The following RHEBL1 variants were observed in gnomAD, a reference collection of about 807,000 sequenced individuals.
RHEBL1 encodes RHEB like 1.
Under a neutral mutation model 27.4 loss-of-function variants are expected in RHEBL1, and 22 were observed. The observed-to-expected ratio is 0.80, with a 90% CI of 0.57 to 1.15. The LOEUF is 1.15. Ranked by LOEUF, RHEBL1 falls within the 50% of genes most tolerant of loss-of-function variation. RHEBL1 has a pLI of 0.00. For synonymous variants in RHEBL1, 85 were observed against 80.8 expected (o/e 1.05, Z -0.28); for missense variants, 186 against 226.5 (o/e 0.82, Z 1.15).
At chr12:49,068,889 G>A (rs898319373) in intron 2 of RHEBL1, 146 bp downstream of exon 2, 2 of 826,678 alleles carry the variant, frequency 2.4e-6, no homozygotes, top group Admixed American at 5.2e-5. Context: ...GCCATCCATC[G>A]AACAGGATTG....
intron 7 of RHEBL1, 79 bp from the exon 8 acceptor site, chr12:49,065,271 G>T (rs778850221): frequency 2.9e-4 from 448 of 1,555,264 alleles, no homozygotes; most frequent in Non-Finnish European, 3.8e-4. Context: ...CCCCATTCCC[G>T]CAACATTCCC....
chr12:49,064,713 A>G lies in RHEBL1; in HGVS notation c.*390T>C, dbSNP rs1228125948. 1 of 205,886 alleles carries G rather than the reference A, an allele frequency of 4.9e-6. No individual in the cohort carries two copies. The highest frequency in any genetic ancestry group is 2.3e-5 in the African/African-American group (1 of 43,986). The allele number at this position is 205,886 out of a possible 1,614,324, so 12.8% of individuals were successfully genotyped here. A position where few individuals can be genotyped will look rare whatever the true frequency, so the allele number is the denominator to read the frequency against. On this transcript the variant is annotated 3_prime_UTR_variant, in exon 8 of 8. Transcript: ENST00000301068. ...GATTTCTCAATTTATTTGCATATAT[A>G]CATTGTCACCCCAGGGAGCCAGCTC...
intron 2 of RHEBL1, 64 bp from the exon 3 acceptor site, chr12:49,067,099 CTTTTTTTT>C (rs10715716): frequency 5.1e-6 from 3 of 587,476 alleles, no homozygotes; most frequent in Non-Finnish European, 5.5e-6. Context: ...TGTCCCCTGA[CTTTTTTTT>C]TTTTTTTTTT....
rs531874179 is a variant in RHEBL1, at chr12:49,069,871, G to A, written c.-86C>T. ...CAGGGTGTGAGCAGGCGCGGCAGCT[G>A]GTGCAGGAAAGTCGCTCACCCCGAA... On this transcript the variant is annotated 5_prime_UTR_variant, in exon 1 of 8. Coordinates refer to ENST00000301068, the MANE Select transcript of RHEBL1 (RefSeq NM_144593.3). 1.8e-4 allele frequency: 226 copies of A among 1,241,874 alleles called. 2 individuals carry two copies. The South Asian group carries it at 2.7e-3, about 15-fold the overall frequency. The allele number at this position is 1,241,874 out of a possible 1,614,324, so 76.9% of individuals were successfully genotyped here. A position where few individuals can be genotyped will look rare whatever the true frequency, so the allele number is the denominator to read the frequency against.
Position 49,066,643 on chromosome 12 carries a change from A to G in RHEBL1, c.251T>C (p.Val84Ala). ...FIIGVHGYVL[V>A]YSVTSLHSFQ... ...CCTATGCAGAGAGGTGACAGAATACACAAGCACATAACCATGGACCCCAAT... is the reference window on the plus strand; with the variant it reads ...CCTATGCAGAGAGGTGACAGAATACGCAAGCACATAACCATGGACCCCAAT... The change falls in exon 4 of 8, where the codon GTG becomes GCG. Residue 84 changes from valine to alanine, a missense_variant. Val to Ala is a moderately conservative substitution (Grantham distance 64). Coordinates refer to ENST00000301068, the MANE Select transcript of RHEBL1 (RefSeq NM_144593.3). 6.2e-7 allele frequency: 1 copy of G among 1,614,160 alleles called. No homozygotes were observed. Among genetic ancestry groups the G allele is most frequent in the Non-Finnish European group, 8.5e-7 (1 of 1,179,990 alleles).
chr12:49,066,948 T>C lies in RHEBL1; in HGVS notation c.192+20A>G. ...CGAGGGCTGAACTGCCACATTTGGA[T>C]ACCATACCCCAACTGGTACCTGCCC... On this transcript the variant is annotated intron_variant, in intron 3 of 7. Coordinates refer to ENST00000301068, the MANE Select transcript of RHEBL1 (RefSeq NM_144593.3). The C allele has an allele frequency of 6.2e-7, 1 of 1,602,424 alleles. No homozygotes were observed. The highest frequency in any genetic ancestry group is 8.6e-7 in the Non-Finnish European group (1 of 1,169,498).
rs1235136983 is a variant in RHEBL1, at chr12:49,067,770, A to G, written c.125-735T>C. Among the ~76,000 whole-genome samples, 3 of 152,124 alleles carry G rather than the reference A, an allele frequency of 2.0e-5. No homozygotes were observed. The East Asian group carries it at 5.8e-4, about 29-fold the overall frequency. On this transcript the variant is annotated intron_variant, in intron 2 of 7. Coordinates refer to ENST00000301068, the MANE Select transcript of RHEBL1 (RefSeq NM_144593.3). ...ACTCCAGCCTGGGTGACAGAGCGAG[A>G]CTGTCTTGAAAAGAAAAGAAAAATA...
chr12:49,068,246 C>A (rs2120764241), intron 2 of RHEBL1, among the ~76,000 whole-genome samples: 1 of 152,046 alleles, frequency 6.6e-6, no homozygotes, highest in East Asian at 1.9e-4. Flanking sequence ...TCTCCTGCCT[C>A]AGCCTCCCGA....
intron 2 of RHEBL1, 56 bp from the exon 3 acceptor site, chr12:49,067,091 T>G: frequency 7.1e-5 from 69 of 965,208 alleles, no homozygotes; most frequent in Non-Finnish European, 9.3e-5. Flanking sequence ...GCGATGTATG[T>G]CCCCTGACTT....
chr12:49,066,697 T>C lies in RHEBL1; in HGVS notation c.197A>G (p.Glu66Gly). The C allele has an allele frequency of 6.2e-7, 1 of 1,613,792 alleles. No homozygotes were observed. The highest frequency in any genetic ancestry group is 8.5e-7 in the Non-Finnish European group (1 of 1,179,682). The change falls in exon 4 of 8, where the codon GAG (glutamate) becomes GGG (glycine). Residue 66 changes from glutamate (E) to glycine (G), a missense_variant. Glu to Gly is a moderately conservative substitution (Grantham distance 98). Coordinates refer to ENST00000301068, the MANE Select transcript of RHEBL1 (RefSeq NM_144593.3). ...GAATGAATAGGGCAGAATGCTGTAC[T>C]CATCCTGGCAAGAAATGGGAAACAT... ...LHLVDTAGQD[E>G]YSILPYSFII...
In RHEBL1 at chr12:49,066,607, T is replaced by C. The variant is rs762668036; in HGVS notation, c.275+12A>G. On this transcript the variant is annotated intron_variant, in intron 4 of 7. Coordinates refer to ENST00000301068, the MANE Select transcript of RHEBL1 (RefSeq NM_144593.3). Reference sequence around the variant, plus strand: ...TCTCCCAAGTCCCGCACTCACAACCTTGGTCACTTACCTATGCAGAGAGGT... The same window carrying C: ...TCTCCCAAGTCCCGCACTCACAACCCTGGTCACTTACCTATGCAGAGAGGT... The C allele has an allele frequency of 6.2e-7, 1 of 1,613,886 alleles. No homozygotes were observed. The highest frequency in any genetic ancestry group is 8.5e-7 in the Non-Finnish European group (1 of 1,179,778).
In RHEBL1 at chr12:49,065,099, G is replaced by A; in HGVS notation, c.*4C>T. On this transcript the variant is annotated 3_prime_UTR_variant, in exon 8 of 8. Transcript: ENST00000301068. Reference sequence around the variant, plus strand: ...AGCAAGGCAGTTACCCCACACCCAAGGGCTCACATGAGATGGCAGCGACGC... The same window carrying A: ...AGCAAGGCAGTTACCCCACACCCAAAGGCTCACATGAGATGGCAGCGACGC... 1.9e-6 allele frequency: 3 copies of A among 1,609,102 alleles called. No individual in the cohort carries two copies. The highest frequency in any genetic ancestry group is 1.3e-5 in the African/African-American group (1 of 74,898).
Position 49,069,879 on chromosome 12 carries a change from A to G in RHEBL1, c.-94T>C. The G allele has an allele frequency of 8.9e-7, 1 of 1,121,234 alleles. No individual in the cohort carries two copies. The highest frequency in any genetic ancestry group is 1.3e-6 in the Non-Finnish European group (1 of 748,814). 69.5% of individuals were successfully genotyped at this position (1,121,234 alleles called of 1,614,324 possible). A position where few individuals can be genotyped will look rare whatever the true frequency, so the allele number is the denominator to read the frequency against. On this transcript the variant is annotated 5_prime_UTR_variant, in exon 1 of 8. Transcript: ENST00000301068. ...GAGCAGGCGCGGCAGCTGGTGCAGG[A>G]AAGTCGCTCACCCCGAAGCTGCCGT...
chr12:49,069,821 G>C lies in RHEBL1; in HGVS notation c.-36C>G. 1.2e-6 allele frequency: 2 copies of C among 1,601,940 alleles called. No homozygotes were observed. The highest frequency in any genetic ancestry group is 1.7e-6 in the Non-Finnish European group (2 of 1,169,934). On this transcript the variant is annotated 5_prime_UTR_variant, in exon 1 of 8. Coordinates refer to ENST00000301068, the MANE Select transcript of RHEBL1 (RefSeq NM_144593.3). ...CGCCCCAGGGGCTTGCGGAACTGCG[G>C]GCTCAGAGAGCCCGAAAACGAGGTC...
intron 2 of RHEBL1, 62 bp from the exon 3 acceptor site, chr12:49,067,097 G>GA (rs1939010579): frequency 3.2e-5 from 28 of 880,750 alleles, no homozygotes; most frequent in Non-Finnish European, 4.4e-5. Flanking sequence ...TATGTCCCCT[G>GA]ACTTTTTTTT....
intron 1 of RHEBL1, 163 bp from the exon 2 acceptor site, chr12:49,069,269 T>G: frequency 8.1e-7 from 1 of 1,227,960 alleles, no homozygotes; most frequent in African/African-American, 1.5e-5. Flanking sequence ...CACCCTCTTT[T>G]CACCCAGGGT....
At chr12:49,066,148 C>A in intron 6 of RHEBL1, 83 bp downstream of exon 6, 2 of 1,064,856 alleles carry the variant, frequency 1.9e-6, no homozygotes, top group South Asian at 2.6e-5. Context: ...TTGTTTGAGT[C>A]AGTGGAAGAG....
In RHEBL1 at chr12:49,069,777, T is replaced by C. The variant is rs2120775044; in HGVS notation, c.9A>G (p.Leu3=). MP[L]VRYRKVVILG... is the part of the protein sequence containing the mutation. ...GGATGACCACCTTCCTGTAGCGGAC[T>C]AGCGGCATGGCAGGAGCCCGCCCCA... The change falls in exon 1 of 8, where the codon CTA becomes CTG. Residue 3 remains leucine, a synonymous_variant. Coordinates refer to ENST00000301068, the MANE Select transcript of RHEBL1 (RefSeq NM_144593.3). 6.2e-7 allele frequency: 1 copy of C among 1,613,532 alleles called. No individual in the cohort carries two copies. The highest frequency in any genetic ancestry group is 1.1e-5 in the South Asian group (1 of 91,058).
chr12:49,066,890 G>T, intron 3 of RHEBL1, 78 bp downstream of exon 3: 2 of 1,254,224 alleles, frequency 1.6e-6, no homozygotes, highest in Non-Finnish European at 2.3e-6. Flanking sequence ...ACTACTTTAC[G>T]GATGAGCCAC....
Sources: gnomAD v4.1 joint callset for allele counts (sites outside exome capture counted in the v4.1 genomes callset) on GRCh38, gnomAD v4.1.1 for gene constraint, MANE v1.5 for transcripts, NCBI Gene and HGNC (gene_info 2026-07-23, HGNC 2026-07-21) for gene names.